The following TFDP1 variants were observed in gnomAD, a reference collection of about 807,000 sequenced individuals.
TFDP1 encodes the protein DRTF1-polypeptide 1.
Under a neutral mutation model 48.0 loss-of-function variants are expected in TFDP1, and 6 were observed. The ratio of observed to expected loss-of-function variants is 0.13; its 90% confidence interval spans 0.07 to 0.25. The LOEUF is 0.25. TFDP1 is among the 10% of genes least tolerant of loss of function. The pLI is 1.00. For missense variants in TFDP1, 335 were observed against 543.0 expected (o/e 0.62, Z 3.81); for synonymous variants, 201 against 211.6 (o/e 0.95, Z 0.44).
chr13:113,595,674 G>A (rs560174727), intron 2 of TFDP1, among the ~76,000 whole-genome samples: 4 of 152,210 alleles, frequency 2.6e-5, no homozygotes, highest in Non-Finnish European at 4.4e-5. Flanking sequence ...TTGCCTGTGC[G>A]CGTGCATGTC....
Position 113,640,131 on chromosome 13 carries a change from A to G in TFDP1, c.1097A>G (p.Asn366Ser), listed in dbSNP as rs2049606005. ...GTRFSASDLT[N>S]GADGMLATSS... is the part of the protein sequence containing the mutation. ...CTCCTGCCTTGCAGTGACCTGACCAACGGTGCAGATGGGATGCTGGCCACA... is the reference window on the plus strand; with the variant it reads ...CTCCTGCCTTGCAGTGACCTGACCAGCGGTGCAGATGGGATGCTGGCCACA... Residue 366 changes from asparagine to serine, a missense_variant, in exon 12 of 12, where the codon AAC becomes AGC. This residue lies in a region of TFDP1 where 204 missense variants were observed against 287.1 expected (regional missense o/e 0.71). Coordinates refer to ENST00000375370, the MANE Select transcript of TFDP1 (RefSeq NM_007111.5). 2 of 1,605,372 alleles carry G rather than the reference A, an allele frequency of 1.2e-6. No homozygotes were observed. Among genetic ancestry groups the G allele is most frequent in the Non-Finnish European group, 1.7e-6 (2 of 1,176,898 alleles).
chr13:113,585,144 C>G (rs988908929), intron 1 of TFDP1: 4 of 146,698 alleles, frequency 2.7e-5, no homozygotes, highest in African/African-American at 7.4e-5. Context: ...GCGCCCCACG[C>G]TGGAGGTGGG....
At chr13:113,629,342 T>C (rs904174757) in intron 4 of TFDP1, among the ~76,000 whole-genome samples, 3 of 152,210 alleles carry the variant, frequency 2.0e-5, no homozygotes, top group Admixed American at 1.3e-4. Context: ...CCCTGGGTGC[T>C]GAGTCCTGTC....
At chr13:113,610,885 C>T in intron 2 of TFDP1, 111 bp from the exon 3 acceptor site, 2 of 989,144 alleles carry the variant, frequency 2.0e-6, no homozygotes, top group African/African-American at 3.2e-5. Context: ...TGTGGTCCTT[C>T]TGCCTTTTTA....
Position 113,627,721 on chromosome 13 carries a change from C to T in TFDP1, c.187-3902C>T, listed in dbSNP as rs1384525400. Among the ~76,000 whole-genome samples the T allele has an allele frequency of 1.3e-5, 2 of 152,096 alleles. No individual in the cohort carries two copies. The highest frequency in any genetic ancestry group is 4.8e-5 in the African/African-American group (2 of 41,390). On this transcript the variant is annotated intron_variant, in intron 4 of 11. Coordinates refer to ENST00000375370, the MANE Select transcript of TFDP1 (RefSeq NM_007111.5). This position sits in a 1 kb window ranked among gnomAD's most constrained non-coding sequence, Gnocchi z 4.1. ...GATCCCAGCATTAGGTTCTCAGGAG[C>T]GCAAACCCCACTGTGAACGGCACAT...
chr13:113,631,271 G>T (rs371791558), intron 4 of TFDP1, among the ~76,000 whole-genome samples: 1 of 152,166 alleles, frequency 6.6e-6, no homozygotes, highest in Non-Finnish European at 1.5e-5. Flanking sequence ...ATTCTGTGCC[G>T]CCCCCTTCAT....
intron 4 of TFDP1, among the ~76,000 whole-genome samples, chr13:113,625,767 GGCGTCTCTCAC>G (rs2049147501): frequency 1.7e-5 from 2 of 119,134 alleles, no homozygotes; most frequent in Non-Finnish European, 3.4e-5. Flanking sequence ...CGTGTCCTCA[GGCGTCTCTCAC>G]GTGTCCTCAG....
chr13:113,635,612 C>T (rs1420919308), intron 8 of TFDP1, among the ~76,000 whole-genome samples: 1 of 152,186 alleles, frequency 6.6e-6, no homozygotes, highest in Non-Finnish European at 1.5e-5. Context: ...ACGGCACCCC[C>T]TCCAAGGCCA....
chr13:113,609,104 G>A (rs898373704), intron 2 of TFDP1, among the ~76,000 whole-genome samples: 3 of 152,230 alleles, frequency 2.0e-5, no homozygotes, highest in African/African-American at 2.4e-5. Flanking sequence ...AGCCCTCTGC[G>A]GGGCCTGTGC....
At chr13:113,602,749 C>T (rs1319943901) in intron 2 of TFDP1, among the ~76,000 whole-genome samples, 4 of 152,148 alleles carry the variant, frequency 2.6e-5, no homozygotes, top group South Asian at 4.1e-4. Context: ...GAGAAGTGTG[C>T]GGCCCTGGCG....
At chr13:113,594,710 G>A (rs932418538) in intron 2 of TFDP1, among the ~76,000 whole-genome samples, 2 of 152,366 alleles carry the variant, frequency 1.3e-5, no homozygotes, top group East Asian at 1.9e-4. Context: ...AGTGACCTGC[G>A]TGTGCTGGTT....
At chr13:113,625,373 C>G (rs1309412316) in intron 4 of TFDP1, among the ~76,000 whole-genome samples, 1 of 117,704 alleles carries the variant, frequency 8.5e-6, no homozygotes, top group Non-Finnish European at 1.8e-5. Context: ...CCTCAGGCGT[C>G]TCTCACGTGT....
intron 3 of TFDP1, among the ~76,000 whole-genome samples, chr13:113,619,823 T>C (rs2048954896): frequency 6.6e-6 from 1 of 152,112 alleles, no homozygotes; most frequent in Non-Finnish European, 1.5e-5. Context: ...TCAGAGGTCC[T>C]CTGTTGGTTT....
chr13:113,593,125 C>T (rs2048188237), intron 2 of TFDP1, among the ~76,000 whole-genome samples: 2 of 142,686 alleles, frequency 1.4e-5, no homozygotes, highest in Non-Finnish European at 3.0e-5. Flanking sequence ...GTGTGTGGGT[C>T]CTCAGCCCTG....
intron 2 of TFDP1, among the ~76,000 whole-genome samples, chr13:113,605,406 G>A (rs1223365827): frequency 6.6e-6 from 1 of 152,158 alleles, no homozygotes; most frequent in East Asian, 1.9e-4. Context: ...TTTAACTGCT[G>A]TATTACTTAT....
chr13:113,612,885 C>G (rs949363833), intron 3 of TFDP1, among the ~76,000 whole-genome samples: 1 of 152,224 alleles, frequency 6.6e-6, no homozygotes, highest in East Asian at 1.9e-4. Context: ...CAGCTCGCCC[C>G]GCGTGCCCCG....
At chr13:113,616,313 G>A (rs531242035) in intron 3 of TFDP1, among the ~76,000 whole-genome samples, 1 of 152,068 alleles carries the variant, frequency 6.6e-6, no homozygotes, top group Non-Finnish European at 1.5e-5. Context: ...GCTCCTGTCT[G>A]TAGTCACTGG....
intron 10 of TFDP1, chr13:113,637,473 G>A (rs984265635): frequency 1.2e-6 from 1 of 838,720 alleles, no homozygotes; most frequent in African/African-American, 1.8e-5. Flanking sequence ...GAGCTGCCAG[G>A]ATGGGCTGTG....
At chr13:113,612,203 C>T (rs1594464358) in intron 3 of TFDP1, among the ~76,000 whole-genome samples, 1 of 152,278 alleles carries the variant, frequency 6.6e-6, no homozygotes, top group South Asian at 2.1e-4. Context: ...CATCTGCCTC[C>T]AACCCCTACA....
Sources: allele counts gnomAD v4.1 joint callset (sites outside exome capture counted in the v4.1 genomes callset), GRCh38; gene constraint gnomAD v4.1.1; regional missense constraint gnomAD v4.1.1; non-coding constraint Gnocchi (gnomAD v3.1); transcripts MANE v1.5; gene names NCBI Gene and HGNC (gene_info 2026-07-23, HGNC 2026-07-21).